BTD: variants seen among roughly 807,000 people sequenced by gnomAD.
BTD encodes biocytinase.
In BTD, 13 loss-of-function variants were observed where a neutral mutation model predicts 17.7. The ratio of observed to expected loss-of-function variants is 0.74; its 90% confidence interval spans 0.48 to 1.17. The LOEUF (loss-of-function observed/expected upper bound fraction) is 1.17. BTD is among the 50% of genes most tolerant of loss of function. The probability of loss-of-function intolerance (pLI) is 0.00; values close to 1 mark genes in which losing one functional copy is unlikely to be tolerated. For missense variants in BTD, 674 were observed against 650.4 expected, an observed-to-expected ratio of 1.04 and a Z score of -0.39; for synonymous variants, 240 against 245.2, an observed-to-expected ratio of 0.98 and a Z score of 0.20.
intron 3 of BTD, 111 bp downstream of exon 3, chr3:15,642,168 C>T (rs1187411732): frequency 6.5e-7 from 1 of 1,537,256 alleles, no homozygotes; most frequent in East Asian, 2.4e-5. Flanking sequence ...TTAACATCCC[C>T]AAAATCCAAC....
chr3:15,659,432 C>T (rs1295991563), intron 3 of BTD, among the ~76,000 whole-genome samples: 1 of 152,142 alleles, frequency 6.6e-6, no homozygotes, highest in Admixed American at 6.5e-5. Flanking sequence ...TAGGATGTTC[C>T]CACTCAACCT....
chr3:15,720,894 G>A, intron 4 of BTD: 1 of 1,604,500 alleles, frequency 6.2e-7, no homozygotes, highest in Non-Finnish European at 8.5e-7. Context: ...AATACTTATA[G>A]ATTCTGATTT....
chr3:15,677,203 C>G, intron 3 of BTD: 1 of 680,704 alleles, frequency 1.5e-6, no homozygotes, highest in Non-Finnish European at 2.5e-6. Context: ...TAATATTTGC[C>G]CAAACACATC....
In BTD at chr3:15,641,891, G is replaced by C. The variant is rs1258827797; in HGVS notation, c.250-17G>C. 1 of 1,560,788 alleles carries C rather than the reference G, an allele frequency of 6.4e-7. No individual in the cohort carries two copies. Among genetic ancestry groups the C allele is most frequent in the Non-Finnish European group, 8.8e-7 (1 of 1,133,896 alleles). On this transcript the variant is annotated splice_polypyrimidine_tract_variant and intron_variant, in intron 2 of 3. Transcript: ENST00000643237. ...GCCATCTGATAACAGACTATTCTTT[G>C]ATGTTTTCATTTTCAGGATGTACAG... is the stretch of plus-strand genomic sequence containing the variant.
At chr3:15,704,800 T>A (rs1405089649) in intron 3 of BTD, among the ~76,000 whole-genome samples, 2 of 152,210 alleles carry the variant, frequency 1.3e-5, no homozygotes, top group African/African-American at 4.8e-5. Context: ...TATCCCAGAA[T>A]AATTACTGTG....
Position 15,697,780 on chromosome 3 carries a change from T to G in BTD, c.400-12280T>G, listed in dbSNP as rs957523238. Among the ~76,000 whole-genome samples, 9 of 152,190 alleles carry G rather than the reference T, an allele frequency of 5.9e-5. No homozygotes were observed. The East Asian group carries it at 1.5e-3, about 26-fold the overall frequency. On this transcript the variant is annotated intron_variant, in intron 3 of 3. Transcript: ENST00000672141. ...TAGGGAGGATTCCCTCTTTTTCTAT[T>G]GTTTGGAATAGTTTCAGAAGGAATG...
At chr3:15,616,692 A>G (rs2064801757) in intron 1 of BTD, among the ~76,000 whole-genome samples, 1 of 152,068 alleles carries the variant, frequency 6.6e-6, no homozygotes, top group Admixed American at 6.6e-5. Flanking sequence ...GATTTTGACT[A>G]TTCTAATAGG....
intron 3 of BTD, among the ~76,000 whole-genome samples, chr3:15,661,846 T>C (rs1289975417): frequency 2.6e-5 from 4 of 152,338 alleles, no homozygotes; most frequent in Admixed American, 6.5e-5. Context: ...TTGCATGTAG[T>C]TGTCTTAATT....
At chr3:15,656,704 C>T (rs975313437), downstream of BTD, among the ~76,000 whole-genome samples, 7 of 152,160 alleles carry the variant, frequency 4.6e-5, no homozygotes, top group African/African-American at 1.2e-4. Flanking sequence ...CCTCTCCCTC[C>T]GGGCTGGAGG....
Position 15,644,605 on chromosome 3 carries a change from T to A in BTD, c.689T>A (p.Phe230Tyr), listed in dbSNP as rs765071585. 4.3e-6 allele frequency: 7 copies of A among 1,614,090 alleles called. No homozygotes were observed. The highest frequency in any genetic ancestry group is 5.9e-6 in the Non-Finnish European group (7 of 1,180,024). Reference protein sequence around the residue: ...FGIFTCFDILFFDPAIRVLRD... With the variant: ...FGIFTCFDILYFDPAIRVLRD... ...ATCTTCACATGCTTTGATATATTGT[T>A]CTTTGACCCTGCCATCAGAGTCCTC... is the stretch of plus-strand genomic sequence containing the variant. The change falls in exon 4 of 4, where the codon TTC becomes TAC. Residue 230 changes from phenylalanine (F) to tyrosine (Y), a missense_variant. Transcript: ENST00000643237.
chr3:15,641,146 G>A (rs1475608727), intron 2 of BTD, among the ~76,000 whole-genome samples: 1 of 152,146 alleles, frequency 6.6e-6, no homozygotes, highest in Non-Finnish European at 1.5e-5. Context: ...GGGAGTTCCG[G>A]GCCATCACAG....
At chr3:15,607,124 C>G (rs904197934) in intron 1 of BTD, among the ~76,000 whole-genome samples, 1 of 151,988 alleles carries the variant, frequency 6.6e-6, no homozygotes, top group South Asian at 2.1e-4. Context: ...GTGCATACTC[C>G]GTAAGGACTA....
At chr3:15,670,815 A>G (rs56188176) in intron 3 of BTD, among the ~76,000 whole-genome samples, 3,711 of 152,338 alleles carry the variant, frequency 0.024, 163 homozygotes, top group African/African-American at 0.082. Flanking sequence ...CCAAGGTCTC[A>G]CAACTTATCC....
intron 2 of BTD, among the ~76,000 whole-genome samples, chr3:15,637,816 T>C (rs1322416513): frequency 6.6e-6 from 1 of 152,222 alleles, no homozygotes; most frequent in Non-Finnish European, 1.5e-5. Context: ...AAACCCAGAC[T>C]GTGGCTGTAG....
chr3:15,615,260 C>T (rs2064760050), intron 1 of BTD, among the ~76,000 whole-genome samples: 1 of 152,110 alleles, frequency 6.6e-6, no homozygotes, highest in African/African-American at 2.4e-5. Context: ...AATCATGAAC[C>T]CACATAAGGA....
intron 2 of BTD, among the ~76,000 whole-genome samples, chr3:15,638,501 A>G (rs1451553865): frequency 6.6e-6 from 1 of 152,224 alleles, no homozygotes; most frequent in Non-Finnish European, 1.5e-5. Flanking sequence ...ACATGTACTA[A>G]GGGTTGAAAT....
At position 15,662,459 on chromosome 3, in the gene BTD, A is replaced by G. The variant is rs139080026; in HGVS notation, c.399+20402A>G. On this transcript the variant is annotated intron_variant, in intron 3 of 3. Transcript: ENST00000672141. The stretch of plus-strand genomic sequence containing the variant: ...ATTGATTTTTGTATATGAACCTTGT[A>G]TCTTGCAATACTGGTATAATTACTT... Among the ~76,000 whole-genome samples the G allele has an allele frequency of 7.9e-4, 121 of 152,352 alleles. 1 individual carries two copies. In the East Asian group the frequency reaches 0.023, roughly 29 times the overall value.
intron 3 of BTD, among the ~76,000 whole-genome samples, chr3:15,687,332 GAT>G (rs113439164): frequency 5.3e-5 from 8 of 150,074 alleles, no homozygotes; most frequent in Admixed American, 6.7e-5. Context: ...AATTTCAAAT[GAT>G]ATATATATAT....
At chr3:15,695,180 ATACT>A (rs1207824881) in intron 3 of BTD, 6 of 1,593,636 alleles carry the variant, frequency 3.8e-6, no homozygotes, top group Admixed American at 1.7e-5. Flanking sequence ...GAATTGACTA[ATACT>A]TACAACATCT....
Sources: allele counts gnomAD v4.1 joint callset (sites outside exome capture counted in the v4.1 genomes callset), GRCh38; gene constraint gnomAD v4.1.1; transcripts MANE v1.5; gene names NCBI Gene and HGNC (gene_info 2026-07-23, HGNC 2026-07-21).